The following PIK3R1 variants were observed in gnomAD, a reference collection of about 807,000 sequenced individuals.
The protein encoded by PIK3R1 is phosphoinositide-3-kinase regulatory subunit 1.
In PIK3R1, 29 loss-of-function variants were observed where a neutral mutation model predicts 98.0. The observed-to-expected ratio is 0.30, with a 90% confidence interval of 0.22 to 0.40. PIK3R1 has a LOEUF of 0.40. PIK3R1 is among the 10% of genes least tolerant of loss of function. The pLI, the probability that PIK3R1 is intolerant of heterozygous loss-of-function variation, is 1.00. For synonymous variants in PIK3R1, 282 were observed against 311.8 expected (o/e 0.90, Z 1.01); for missense variants, 596 against 872.7 (o/e 0.68, Z 3.99).
intron 2 of PIK3R1, among the ~76,000 whole-genome samples, chr5:68,272,768 G>A (rs918617972): frequency 1.3e-5 from 2 of 152,132 alleles, no homozygotes; most frequent in African/African-American, 4.8e-5. Flanking sequence ...ATATCAAGTG[G>A]GCAGTGATCA....
At chr5:68,235,401 AAAAT>A (rs145734363) in intron 2 of PIK3R1, among the ~76,000 whole-genome samples, 53,044 of 145,132 alleles carry the variant, frequency 0.37, 10,250 homozygotes, top group South Asian at 0.46. Flanking sequence ...AAAGTGTCTC[AAAAT>A]AAATAAATAA....
chr5:68,297,225 A>C (rs1186894698), intron 15 of PIK3R1, among the ~76,000 whole-genome samples, 187 bp from the exon 16 acceptor site: 1 of 152,216 alleles, frequency 6.6e-6, no homozygotes, highest in Non-Finnish European at 1.5e-5. Flanking sequence ...CATTTTAAAG[A>C]TGAAAATACA....
intron 2 of PIK3R1, among the ~76,000 whole-genome samples, chr5:68,227,593 T>C (rs1171659250): frequency 6.6e-6 from 1 of 152,216 alleles, no homozygotes; most frequent in African/African-American, 2.4e-5. Context: ...ATATTTAACA[T>C]GATTTGTATG....
At position 68,301,366 on chromosome 5, in the gene PIK3R1, A is replaced by ATATATATATATATG. The variant is rs34491401; in HGVS notation, c.*3766_*3767insATATATATATATGT. 7 of 63,316 alleles carry ATATATATATATATG rather than the reference A, an allele frequency of 1.1e-4. No homozygotes were observed. Among genetic ancestry groups the ATATATATATATATG allele is most frequent in the Non-Finnish European group, 8.2e-5 (3 of 36,760 alleles). 3.9% of individuals were successfully genotyped at this position (63,316 alleles called of 1,614,324 possible). A position where few individuals can be genotyped will look rare whatever the true frequency, so the allele number is the denominator to read the frequency against. ...GCTATATATATATATATATATATAT[A>ATATATATATATATG]TGTGTGTGTGTGTGTGTGTGTGTGT... is the stretch of plus-strand genomic sequence containing the variant. On this transcript the variant is annotated 3_prime_UTR_variant, in exon 16 of 16. Coordinates refer to ENST00000521381, the MANE Select transcript of PIK3R1 (RefSeq NM_181523.3).
At chr5:68,233,207 T>C (rs1744547600) in intron 2 of PIK3R1, among the ~76,000 whole-genome samples, 1 of 152,258 alleles carries the variant, frequency 6.6e-6, no homozygotes, top group African/African-American at 2.4e-5. Flanking sequence ...CATATCCATG[T>C]TTTGATTAGT....
intron 2 of PIK3R1, among the ~76,000 whole-genome samples, chr5:68,237,263 G>T (rs989599629): frequency 9.9e-5 from 15 of 152,198 alleles, no homozygotes; most frequent in Admixed American, 9.2e-4. Context: ...AGATGAATCT[G>T]AAGTCTTGTA....
intron 2 of PIK3R1, among the ~76,000 whole-genome samples, chr5:68,257,919 C>G (rs149241868): frequency 1.5e-3 from 231 of 152,354 alleles, no homozygotes; most frequent in African/African-American, 5.3e-3. Flanking sequence ...CTGCTTGCCA[C>G]TTCCAGTTTC....
At chr5:68,250,583 G>A (rs1745267808) in intron 2 of PIK3R1, among the ~76,000 whole-genome samples, 1 of 152,150 alleles carries the variant, frequency 6.6e-6, no homozygotes, top group Admixed American at 6.5e-5. Flanking sequence ...TGCCAATGTA[G>A]TCATGCAAAA....
At chr5:68,230,854 T>C (rs939342778) in intron 2 of PIK3R1, among the ~76,000 whole-genome samples, 1 of 152,200 alleles carries the variant, frequency 6.6e-6, no homozygotes, top group African/African-American at 2.4e-5. Context: ...TATGTTATGT[T>C]CTTCGGAGAG....
chr5:68,216,914 T>TA (rs1485717486), intron 1 of PIK3R1, among the ~76,000 whole-genome samples: 1 of 152,152 alleles, frequency 6.6e-6, no homozygotes, highest in African/African-American at 2.4e-5. Flanking sequence ...GAATGGCTGT[T>TA]ACGTGTTGAA....
intron 7 of PIK3R1, chr5:68,291,385 TGAAATC>T (rs1747380363): frequency 6.6e-6 from 1 of 152,230 alleles, no homozygotes; most frequent in Non-Finnish European, 1.5e-5. Flanking sequence ...GGTAGATACC[TGAAATC>T]ATTTTTTGTA....
intron 4 of PIK3R1, among the ~76,000 whole-genome samples, chr5:68,278,776 C>T (rs6872004): frequency 0.013 from 1,959 of 152,072 alleles, 48 homozygotes; most frequent in African/African-American, 0.044. Flanking sequence ...CCTGTCTCTA[C>T]TAAAAATACA....
Position 68,297,888 on chromosome 5 carries a change from A to C in PIK3R1, c.*287A>C, listed in dbSNP as rs763133673. 1.1e-5 allele frequency: 3 copies of C among 275,712 alleles called. No homozygotes were observed. The highest frequency in any genetic ancestry group is 2.0e-5 in the Non-Finnish European group (3 of 146,572). The allele number at this position is 275,712 out of a possible 1,614,324, so 17.1% of individuals were successfully genotyped here. Reference sequence around the variant, plus strand: ...CACATACAACACAAAGAGAAAAAGAAATGCAAAAATCTCTGCGTGCAGGGA... The same window carrying C: ...CACATACAACACAAAGAGAAAAAGACATGCAAAAATCTCTGCGTGCAGGGA... On this transcript the variant is annotated 3_prime_UTR_variant, in exon 16 of 16. Transcript: ENST00000521381.
intron 2 of PIK3R1, among the ~76,000 whole-genome samples, chr5:68,236,873 G>A (rs1219139646): frequency 1.3e-5 from 2 of 152,192 alleles, no homozygotes; most frequent in Non-Finnish European, 2.9e-5. Context: ...TATTTGAAAG[G>A]ATTGAATTAC....
intron 2 of PIK3R1, chr5:68,239,844 C>T: frequency 2.0e-6 from 1 of 506,094 alleles, no homozygotes; most frequent in Non-Finnish European, 3.9e-6. Context: ...TCTCAGGAAA[C>T]AGACACAAGA....
At chr5:68,230,717 G>A (rs1644494606) in intron 2 of PIK3R1, among the ~76,000 whole-genome samples, 1 of 152,320 alleles carries the variant, frequency 6.6e-6, no homozygotes, top group Non-Finnish European at 1.5e-5. Flanking sequence ...CATGGTCAGC[G>A]AATATCCTCA....
chr5:68,217,300 A>T (rs931762690), intron 1 of PIK3R1, among the ~76,000 whole-genome samples: 16 of 152,176 alleles, frequency 1.1e-4, no homozygotes, highest in Non-Finnish European at 2.2e-4. Flanking sequence ...ACGTTTTGGC[A>T]ACCTTAAAGA....
intron 2 of PIK3R1, among the ~76,000 whole-genome samples, chr5:68,230,502 C>G (rs1264998571): frequency 1.3e-5 from 2 of 152,162 alleles, no homozygotes; most frequent in African/African-American, 4.8e-5. Flanking sequence ...GCTTAATGGC[C>G]CATCTTGTTT....
chr5:68,300,270 A>G lies in PIK3R1; in HGVS notation c.*2669A>G, dbSNP rs1171431511. 3 of 232,966 alleles carry G rather than the reference A, an allele frequency of 1.3e-5. No individual in the cohort carries two copies. In the East Asian group the frequency reaches 1.8e-4, roughly 14 times the overall value. The allele number at this position is 232,966 out of a possible 1,614,324, so 14.4% of individuals were successfully genotyped here. On this transcript the variant is annotated 3_prime_UTR_variant, in exon 16 of 16. Transcript: ENST00000521381. The stretch of plus-strand genomic sequence containing the variant: ...AGTTACACCAGACCTGTTCTGCCCA[A>G]TGCCTTTTTGATTACAGTGTAGCTT...
Sources: allele counts gnomAD v4.1 joint callset (sites outside exome capture counted in the v4.1 genomes callset), GRCh38; gene constraint gnomAD v4.1.1; transcripts MANE v1.5; gene names NCBI Gene and HGNC (gene_info 2026-07-23, HGNC 2026-07-21).